CNTN4: variants seen among roughly 807,000 people sequenced by gnomAD.
CNTN4 encodes contactin-4.
A neutral mutation model predicts 122.5 loss-of-function variants in CNTN4; 77 were observed. The ratio of observed to expected loss-of-function variants is 0.63; its 90% CI spans 0.52 to 0.76. The LOEUF is 0.76. CNTN4 is among the 30% of genes least tolerant of loss of function. The probability of loss-of-function intolerance (pLI) is 0.00; values close to 1 mark genes in which losing one functional copy is unlikely to be tolerated. For missense variants in CNTN4, 1,256 were observed against 1,259.1 expected (o/e 1.00, Z 0.04); for synonymous variants, 512 against 447.0 (o/e 1.15, Z -1.83).
chr3:2,145,947 GT>G (rs11425675), intron 2 of CNTN4, among the ~76,000 whole-genome samples: 6 of 148,786 alleles, frequency 4.0e-5, no homozygotes, highest in South Asian at 2.1e-4. Context: ...ATCATTCTTA[GT>G]TTTTTTTTTT....
At chr3:2,217,431 A>G (rs2038892002) in intron 2 of CNTN4, among the ~76,000 whole-genome samples, 4 of 152,330 alleles carry the variant, frequency 2.6e-5, no homozygotes, top group African/African-American at 9.6e-5. Flanking sequence ...TGTCACCTCC[A>G]GAAGTGATTT....
intron 3 of CNTN4, among the ~76,000 whole-genome samples, chr3:2,346,030 T>C (rs2044385272): frequency 6.6e-6 from 1 of 152,204 alleles, no homozygotes; most frequent in Non-Finnish European, 1.5e-5. Flanking sequence ...AGTGTGAATT[T>C]TCCCCCCTTC....
chr3:2,840,008 G>A (rs1407909332), intron 7 of CNTN4, among the ~76,000 whole-genome samples: 1 of 152,112 alleles, frequency 6.6e-6, no homozygotes, highest in Non-Finnish European at 1.5e-5. Context: ...GTCTTAAATA[G>A]GAGCCAAGAT....
intron 3 of CNTN4, among the ~76,000 whole-genome samples, chr3:2,502,646 T>G (rs1163442211): frequency 6.6e-6 from 1 of 152,164 alleles, no homozygotes; most frequent in East Asian, 1.9e-4. Context: ...TCTTTCCTTT[T>G]GTTTAACCAG....
intron 3 of CNTN4, among the ~76,000 whole-genome samples, chr3:2,485,800 T>A (rs1559597727): frequency 6.6e-6 from 1 of 152,162 alleles, no homozygotes; most frequent in East Asian, 1.9e-4. Flanking sequence ...GGAGAACTTT[T>A]GTGTCTAGCT....
intron 3 of CNTN4, among the ~76,000 whole-genome samples, chr3:2,425,719 C>T (rs548219041): frequency 2.0e-5 from 3 of 151,694 alleles, no homozygotes; most frequent in Non-Finnish European, 2.9e-5. Flanking sequence ...AATGTTCTTC[C>T]ATTTCTGTCC....
chr3:2,280,787 C>G (rs535765895), intron 2 of CNTN4, among the ~76,000 whole-genome samples: 1 of 152,074 alleles, frequency 6.6e-6, no homozygotes, highest in Non-Finnish European at 1.5e-5. Flanking sequence ...AAAAATTGTT[C>G]CAAAAGCCTC....
At chr3:2,540,671 A>G (rs1167451007) in intron 3 of CNTN4, among the ~76,000 whole-genome samples, 1 of 152,112 alleles carries the variant, frequency 6.6e-6, no homozygotes, top group Non-Finnish European at 1.5e-5. Context: ...AATTTCATAA[A>G]CATAATCTTT....
Position 3,026,211 on chromosome 3 carries a change from T to G in CNTN4, c.1596T>G (p.Thr532=). 10 of 1,613,598 alleles carry G rather than the reference T, an allele frequency of 6.2e-6. No individual in the cohort carries two copies. The highest frequency in any genetic ancestry group is 1.3e-5 in the African/African-American group (1 of 75,024). The change falls in exon 15 of 25, where the codon ACT becomes ACG. Residue 532 remains threonine (T), a synonymous_variant. Transcript: ENST00000418658. ...THDHSLDIVF[T]WSFNGHLIDF... ...ATCACTCGCTAGACATCGTGTTTACTTGGTCATTTAATGGACACCTGATAG... is the reference window on the plus strand; with the variant it reads ...ATCACTCGCTAGACATCGTGTTTACGTGGTCATTTAATGGACACCTGATAG...
In CNTN4 at chr3:2,671,004, TTC is replaced by T. The variant is rs573727174; in HGVS notation, c.56-65205_56-65204del. 2.1e-3 allele frequency among the ~76,000 whole-genome samples: 319 copies of T among 152,340 alleles called. 4 individuals are homozygous for T. Among genetic ancestry groups the T allele is most frequent in the African/African-American group, 7.6e-3 (314 of 41,570 alleles). On this transcript the variant is annotated intron_variant, in intron 4 of 24. Transcript: ENST00000418658. ...CTTCCCTTTGTGGGTAACCCGACCT[TTC>T]TCTCTGTCTGCCCTTAACATTTTTT...
intron 14 of CNTN4, among the ~76,000 whole-genome samples, chr3:2,999,940 G>T (rs1487068771): frequency 6.6e-6 from 1 of 152,116 alleles, no homozygotes; most frequent in Non-Finnish European, 1.5e-5. Context: ...AACATGCTGA[G>T]TACATTCTCT....
Position 2,368,846 on chromosome 3 carries a change from G to A in CNTN4, c.-89+29613G>A, listed in dbSNP as rs533964866. On this transcript the variant is annotated intron_variant, in intron 3 of 24. Transcript: ENST00000418658. The stretch of plus-strand genomic sequence containing the variant: ...AAGAAGTGAAGAGGGAAATGATAAC[G>A]TAAAATTGGATGGTGAATTAAACTT... Among the ~76,000 whole-genome samples, 9 of 152,240 alleles carry A rather than the reference G, an allele frequency of 5.9e-5. No individual in the cohort carries two copies. The East Asian group carries it at 1.5e-3, about 26-fold the overall frequency.
chr3:2,756,633 A>C (rs770540718), intron 6 of CNTN4, among the ~76,000 whole-genome samples: 4 of 152,230 alleles, frequency 2.6e-5, no homozygotes, highest in Non-Finnish European at 5.9e-5. Flanking sequence ...AGTAGATGAC[A>C]TCTTCCAAAA....
intron 3 of CNTN4, among the ~76,000 whole-genome samples, chr3:2,364,063 A>G (rs1408688959): frequency 1.3e-5 from 2 of 152,216 alleles, no homozygotes; most frequent in East Asian, 1.9e-4. Flanking sequence ...ATATAGTGCT[A>G]TAATATTTCA....
At chr3:2,614,644 T>C (rs922889733) in intron 4 of CNTN4, among the ~76,000 whole-genome samples, 3 of 152,108 alleles carry the variant, frequency 2.0e-5, no homozygotes, top group African/African-American at 7.2e-5. Context: ...AGCTACGGCA[T>C]AGACGATGAA....
intron 6 of CNTN4, among the ~76,000 whole-genome samples, chr3:2,817,385 T>C (rs2092761630): frequency 6.6e-6 from 1 of 152,222 alleles, no homozygotes; most frequent in African/African-American, 2.4e-5. Flanking sequence ...CCAAATACAG[T>C]CTTTCCATTT....
At chr3:2,511,812 T>C (rs1015197478) in intron 3 of CNTN4, 1 of 152,242 alleles carries the variant, frequency 6.6e-6, no homozygotes, top group Non-Finnish European at 1.5e-5. Context: ...GCTGGTGAGG[T>C]AGAGTGTGAT....
intron 3 of CNTN4, among the ~76,000 whole-genome samples, chr3:2,522,410 C>T (rs1240920374): frequency 2.0e-5 from 3 of 152,080 alleles, no homozygotes; most frequent in African/African-American, 7.2e-5. Flanking sequence ...TACAATATCT[C>T]TTAGCCTGAC....
chr3:2,862,721 G>A (rs1315591606), intron 7 of CNTN4, among the ~76,000 whole-genome samples: 1 of 152,128 alleles, frequency 6.6e-6, no homozygotes, highest in Non-Finnish European at 1.5e-5. Context: ...AAACTGAGTA[G>A]GATACACTTT....
Sources: gnomAD v4.1 joint callset for allele counts (sites outside exome capture counted in the v4.1 genomes callset) on GRCh38, gnomAD v4.1.1 for gene constraint, MANE v1.5 for transcripts, NCBI Gene and HGNC (gene_info 2026-07-23, HGNC 2026-07-21) for gene names.